Variants in CRIM1 observed in about 807,000 individuals in gnomAD.
CRIM1 encodes the protein cysteine-rich motor neuron 1 protein.
Under a neutral mutation model 116.4 loss-of-function variants are expected in CRIM1, and 32 were observed. The observed-to-expected ratio is 0.27, with a 90% CI of 0.21 to 0.37. The LOEUF (loss-of-function observed/expected upper bound fraction) is 0.37, where lower values mean the gene tolerates loss of function less well. Ranked by LOEUF, CRIM1 falls within the 10% of genes least tolerant of loss-of-function variation. The pLI, the probability that CRIM1 is intolerant of heterozygous loss-of-function variation, is 1.00. For synonymous variants in CRIM1, 590 were observed against 509.2 expected (o/e 1.16, Z -2.13); for missense variants, 1,331 against 1,354.8 (o/e 0.98, Z 0.28).
intron 11 of CRIM1, among the ~76,000 whole-genome samples, chr2:36,514,568 C>G (rs1032945863): frequency 1.3e-5 from 2 of 152,126 alleles, no homozygotes; most frequent in Non-Finnish European, 2.9e-5. Context: ...GTATGTCCAC[C>G]AAAAGGCCTG....
chr2:36,485,890 C>T (rs1470926821), intron 7 of CRIM1, among the ~76,000 whole-genome samples: 3 of 152,146 alleles, frequency 2.0e-5, no homozygotes, highest in South Asian at 2.1e-4. Flanking sequence ...TAACTCTAAA[C>T]GTCCTGGAAA....
intron 1 of CRIM1, among the ~76,000 whole-genome samples, chr2:36,366,677 A>G (rs996519689): frequency 6.6e-6 from 1 of 152,244 alleles, no homozygotes; most frequent in African/African-American, 2.4e-5. Context: ...GGCAGGGCAG[A>G]ATGAAACCTG....
intron 5 of CRIM1, among the ~76,000 whole-genome samples, chr2:36,474,273 G>C (rs1678783092): frequency 6.6e-6 from 1 of 151,872 alleles, no homozygotes; most frequent in Non-Finnish European, 1.5e-5. Flanking sequence ...CAATCTGTAG[G>C]GTTGTCTTTT....
chr2:36,514,982 C>G (rs571911832), intron 11 of CRIM1, among the ~76,000 whole-genome samples: 1 of 152,296 alleles, frequency 6.6e-6, no homozygotes, highest in African/African-American at 2.4e-5. Flanking sequence ...TGCTCCATGT[C>G]AGAACTCTTT....
At chr2:36,514,675 C>T (rs927133196) in intron 11 of CRIM1, among the ~76,000 whole-genome samples, 2 of 152,154 alleles carry the variant, frequency 1.3e-5, no homozygotes, top group Non-Finnish European at 2.9e-5. Flanking sequence ...CTGGTCAGTC[C>T]AGGTCCTGTA....
At chr2:36,481,729 G>A (rs1291302960) in intron 7 of CRIM1, among the ~76,000 whole-genome samples, 2 of 152,134 alleles carry the variant, frequency 1.3e-5, no homozygotes, top group Admixed American at 1.3e-4. Context: ...TCCCCCAAGG[G>A]TATAGTTGCC....
At chr2:36,464,112 A>G (rs1375026922) in intron 4 of CRIM1, among the ~76,000 whole-genome samples, 1 of 152,206 alleles carries the variant, frequency 6.6e-6, no homozygotes, top group African/African-American at 2.4e-5. Flanking sequence ...GCAGCAAAGG[A>G]GCAACATGAG....
chr2:36,372,083 T>C (rs531369560), intron 1 of CRIM1, among the ~76,000 whole-genome samples: 1 of 152,360 alleles, frequency 6.6e-6, no homozygotes, highest in East Asian at 1.9e-4. Flanking sequence ...GCAACCTGTT[T>C]ACTGCTTCAG....
At chr2:36,467,689 T>A (rs1426329867) in intron 5 of CRIM1, among the ~76,000 whole-genome samples, 1 of 152,118 alleles carries the variant, frequency 6.6e-6, no homozygotes, top group East Asian at 1.9e-4. Context: ...AAGTGAAAAA[T>A]CAAACAGAAA....
intron 7 of CRIM1, among the ~76,000 whole-genome samples, chr2:36,493,719 TG>T (rs1269767900): frequency 6.6e-6 from 1 of 152,220 alleles, no homozygotes; most frequent in Non-Finnish European, 1.5e-5. Context: ...GAACCTTGTA[TG>T]GATTAATTCA....
At chr2:36,534,789 C>T (rs144169118) in intron 13 of CRIM1, among the ~76,000 whole-genome samples, 21 of 151,720 alleles carry the variant, frequency 1.4e-4, no homozygotes, top group African/African-American at 3.1e-4. Context: ...CACTGCTTGG[C>T]CTTGAGTCAG....
intron 14 of CRIM1, among the ~76,000 whole-genome samples, chr2:36,541,010 G>A (rs1377554282): frequency 2.0e-5 from 3 of 152,184 alleles, no homozygotes; most frequent in Non-Finnish European, 2.9e-5. Context: ...TTCTGCATCT[G>A]CTGTATTCCT....
chr2:36,357,431 C>G (rs893202341), intron 1 of CRIM1, among the ~76,000 whole-genome samples: 3 of 152,032 alleles, frequency 2.0e-5, no homozygotes, highest in African/African-American at 4.8e-5. Context: ...GCTGGCTTCT[C>G]CAGCACGCAT....
chr2:36,524,162 T>C (rs1335241733), intron 13 of CRIM1, among the ~76,000 whole-genome samples: 4 of 152,184 alleles, frequency 2.6e-5, no homozygotes, highest in African/African-American at 9.7e-5. Context: ...ATCAGGAGTG[T>C]CCCAAGCAAA....
At chr2:36,480,137 C>T (rs548035671) in intron 7 of CRIM1, among the ~76,000 whole-genome samples, 3 of 152,248 alleles carry the variant, frequency 2.0e-5, no homozygotes, top group South Asian at 2.1e-4. Context: ...TGCCTAGTGC[C>T]GTCACCGAGT....
At chr2:36,516,885 A>G (rs1355207582) in intron 11 of CRIM1, among the ~76,000 whole-genome samples, 1 of 152,174 alleles carries the variant, frequency 6.6e-6, no homozygotes, top group Non-Finnish European at 1.5e-5. Context: ...TCATGCATAA[A>G]ATAAGGTGAC....
At chr2:36,493,863 T>C (rs868619939) in intron 7 of CRIM1, among the ~76,000 whole-genome samples, 5 of 152,344 alleles carry the variant, frequency 3.3e-5, no homozygotes, top group Middle Eastern at 6.8e-3. Flanking sequence ...TATATAATTA[T>C]ACATTTAAAA....
At chr2:36,544,354 G>A in intron 14 of CRIM1, 22 bp from the exon 15 acceptor site, 1 of 1,333,296 alleles carries the variant, frequency 7.5e-7, no homozygotes, top group Non-Finnish European at 9.7e-7. Flanking sequence ...CATCTCTTAG[G>A]AAAAATGTTC....
intron 5 of CRIM1, among the ~76,000 whole-genome samples, chr2:36,466,177 C>T (rs970657854): frequency 9.2e-5 from 14 of 152,274 alleles, no homozygotes; most frequent in African/African-American, 3.4e-4. Context: ...TGAGCCACTG[C>T]TTCCGGCCAA....
Sources: allele counts gnomAD v4.1 joint callset (sites outside exome capture counted in the v4.1 genomes callset), GRCh38; gene constraint gnomAD v4.1.1; transcripts MANE v1.5; gene names NCBI Gene and HGNC (gene_info 2026-07-23, HGNC 2026-07-21).